Variants in L2HGDH observed in about 807,000 individuals in gnomAD.
The protein encoded by L2HGDH is L-2-hydroxyglutarate dehydrogenase, mitochondrial.
L2HGDH carries 34 observed loss-of-function variants against 51.5 expected under a neutral mutation model. The ratio of observed to expected loss-of-function variants is 0.66; its 90% CI spans 0.50 to 0.88. The LOEUF (loss-of-function observed/expected upper bound fraction) is 0.88, where lower values mean the gene tolerates loss of function less well. L2HGDH is among the 40% of genes least tolerant of loss of function. The pLI, the probability that L2HGDH is intolerant of heterozygous loss-of-function variation, is 0.00. For missense variants in L2HGDH, 558 were observed against 571.9 expected (o/e 0.98, Z 0.25); for synonymous variants, 198 against 197.9 (o/e 1.00, Z -0.01).
intron 3 of L2HGDH, among the ~76,000 whole-genome samples, chr14:50,301,425 T>C (rs2030399784): frequency 6.6e-6 from 1 of 152,224 alleles, no homozygotes; most frequent in Non-Finnish European, 1.5e-5. Context: ...ACAATCCATA[T>C]GTCTATCAAC....
At chr14:50,254,430 CAT>C (rs1888540653) in intron 9 of L2HGDH, among the ~76,000 whole-genome samples, 1 of 151,986 alleles carries the variant, frequency 6.6e-6, no homozygotes, top group Non-Finnish European at 1.5e-5. Context: ...GGTAGAGACG[CAT>C]ATGTTTATCA....
chr14:50,287,506 A>G (rs866536287), intron 4 of L2HGDH, among the ~76,000 whole-genome samples: 6 of 151,978 alleles, frequency 3.9e-5, no homozygotes, highest in African/African-American at 1.2e-4. Flanking sequence ...CTTACATTTG[A>G]AAGACTTTTC....
At chr14:50,291,380 T>C (rs1412214533) in intron 4 of L2HGDH, among the ~76,000 whole-genome samples, 1 of 152,042 alleles carries the variant, frequency 6.6e-6, no homozygotes, top group African/African-American at 2.4e-5. Flanking sequence ...AATGAAAATA[T>C]TCTACTTAAA....
Position 50,265,411 on chromosome 14 carries a change from T to C in L2HGDH, c.1143A>G (p.Thr381=). The C allele has an allele frequency of 1.2e-6, 2 of 1,612,548 alleles. No individual in the cohort carries two copies. Among genetic ancestry groups the C allele is most frequent in the Non-Finnish European group, 1.7e-6 (2 of 1,178,652 alleles). Residue 381 remains threonine, a synonymous_variant, in exon 9 of 10, where the codon ACA becomes ACG. Coordinates refer to ENST00000267436, the MANE Select transcript of L2HGDH (RefSeq NM_024884.3). ...EMYKACFLGA[T]VKYLQKFIPE... ...GGATGAATTTTTGAAGATACTTCAC[T>C]GTTGCACCAAGAAAACATGCTTTAT...
intron 3 of L2HGDH, among the ~76,000 whole-genome samples, chr14:50,294,573 G>C (rs989249355): frequency 6.6e-5 from 10 of 152,292 alleles, no homozygotes; most frequent in South Asian, 4.1e-4. Flanking sequence ...ACCCAGAAAG[G>C]AGAGAAGCAT....
chr14:50,280,222 G>A (rs1274019094), intron 5 of L2HGDH, among the ~76,000 whole-genome samples: 1 of 148,800 alleles, frequency 6.7e-6, no homozygotes, highest in Non-Finnish European at 1.5e-5. Flanking sequence ...AGTGCAGTGC[G>A]CTGGTGCAAT....
At chr14:50,256,503 C>T (rs941230151) in intron 9 of L2HGDH, among the ~76,000 whole-genome samples, 5 of 144,916 alleles carry the variant, frequency 3.5e-5, no homozygotes, top group Non-Finnish European at 3.0e-5. Context: ...GGTGACAGGG[C>T]GAGAGCCTGT....
intron 5 of L2HGDH, among the ~76,000 whole-genome samples, chr14:50,283,641 C>T (rs1257915035): frequency 3.9e-5 from 6 of 152,174 alleles, no homozygotes; most frequent in East Asian, 3.8e-4. Context: ...TATGCACATA[C>T]GCTGGATATT....
Position 50,265,370 on chromosome 14 carries a change from C to A in L2HGDH, c.1184G>T (p.Ser395Ile), listed in dbSNP as rs770155002. 5.6e-6 allele frequency: 9 copies of A among 1,611,460 alleles called. No individual in the cohort carries two copies. Among genetic ancestry groups the A allele is most frequent in the Non-Finnish European group, 7.6e-6 (9 of 1,177,716 alleles). Residue 395 changes from serine (S) to isoleucine (I), a missense_variant, in exon 9 of 10, where the codon AGT (serine) becomes ATT (isoleucine). Around this residue, in one of 3 missense-constraint regions of L2HGDH, gnomAD observed 321 missense variants for 311.8 expected, o/e 1.03. Transcript: ENST00000267436. ...CCCTTTTCCTTACCTAAGTATATCA[C>A]TGATAGTAATTTCAGGGATGAATTT... ...LQKFIPEITI[S>I]DILRGPAGVR...
chr14:50,259,985 CAGAGAGAG>C (rs34001223), intron 9 of L2HGDH, among the ~76,000 whole-genome samples: 14 of 142,478 alleles, frequency 9.8e-5, no homozygotes, highest in Middle Eastern at 3.5e-3. Context: ...GAGAAGAAGA[CAGAGAGAG>C]AGAGAGAGAG....
intron 9 of L2HGDH, among the ~76,000 whole-genome samples, chr14:50,258,027 G>A (rs1183559198): frequency 1.4e-5 from 2 of 147,126 alleles, no homozygotes; most frequent in African/African-American, 5.0e-5. Context: ...TTACTATCCT[G>A]AGAGCACTTT....
chr14:50,254,828 C>A (rs1411741217), intron 9 of L2HGDH, among the ~76,000 whole-genome samples: 1 of 151,858 alleles, frequency 6.6e-6, no homozygotes, highest in Admixed American at 6.6e-5. Flanking sequence ...CACTTGAACA[C>A]AGGAGTTTGA....
At chr14:50,266,177 C>T (rs905823222) in intron 8 of L2HGDH, among the ~76,000 whole-genome samples, 61 of 151,076 alleles carry the variant, frequency 4.0e-4, no homozygotes, top group Non-Finnish European at 3.2e-4. Flanking sequence ...TAAACACCCT[C>T]TAAACTCAAA....
intron 5 of L2HGDH, among the ~76,000 whole-genome samples, chr14:50,283,372 C>G (rs1320592772): frequency 6.6e-6 from 1 of 152,190 alleles, no homozygotes; most frequent in Non-Finnish European, 1.5e-5. Context: ...GCACAAGACC[C>G]TCCAGGAGTC....
intron 9 of L2HGDH, among the ~76,000 whole-genome samples, chr14:50,261,401 T>A (rs1004933858): frequency 6.6e-6 from 1 of 152,252 alleles, no homozygotes; most frequent in Non-Finnish European, 1.5e-5. Flanking sequence ...CTTCGTCTTT[T>A]ACATCTTTAC....
chr14:50,272,711 A>G (rs1396845580), intron 6 of L2HGDH, among the ~76,000 whole-genome samples: 6 of 152,180 alleles, frequency 3.9e-5, no homozygotes, highest in Non-Finnish European at 7.4e-5. Flanking sequence ...GCATTCCATC[A>G]TTAAGAAAAA....
At chr14:50,271,678 A>G (rs943193323) in intron 6 of L2HGDH, among the ~76,000 whole-genome samples, 12 of 152,054 alleles carry the variant, frequency 7.9e-5, no homozygotes, top group Non-Finnish European at 1.6e-4. Context: ...TTGTCTCCCT[A>G]TGTTTTATTA....
chr14:50,267,962 A>G, intron 7 of L2HGDH, 52 bp from the exon 8 acceptor site: 2 of 1,524,816 alleles, frequency 1.3e-6, no homozygotes, highest in Non-Finnish European at 1.8e-6. Flanking sequence ...CCATGTTATC[A>G]GAGATGCAAA....
intron 4 of L2HGDH, among the ~76,000 whole-genome samples, chr14:50,288,931 T>C (rs1890714152): frequency 6.6e-6 from 1 of 152,228 alleles, no homozygotes; most frequent in African/African-American, 2.4e-5. Flanking sequence ...TTAAATCTGT[T>C]GTAATTTTGT....
Sources: gnomAD v4.1 joint callset for allele counts (sites outside exome capture counted in the v4.1 genomes callset) on GRCh38, gnomAD v4.1.1 for gene constraint, gnomAD v4.1.1 regional missense constraint, MANE v1.5 for transcripts, NCBI Gene and HGNC (gene_info 2026-07-23, HGNC 2026-07-21) for gene names.